The following NLGN1 variants were observed in gnomAD, a reference collection of about 807,000 sequenced individuals.
NLGN1 encodes neuroligin-1.
A neutral mutation model predicts 65.5 loss-of-function variants in NLGN1; 12 were observed. The ratio of observed to expected loss-of-function variants is 0.18; its 90% CI spans 0.12 to 0.30. The LOEUF (loss-of-function observed/expected upper bound fraction) is 0.30, where lower values mean the gene tolerates loss of function less well. Among genes scored for constraint, NLGN1 ranks in the 10% least tolerant of loss-of-function variants. The pLI, the probability that NLGN1 is intolerant of heterozygous loss-of-function variation, is 1.00. For missense variants in NLGN1, 750 were observed against 1,007.1 expected, an observed-to-expected ratio of 0.74 and a Z score of 3.46; for synonymous variants, 350 against 359.5, an observed-to-expected ratio of 0.97 and a Z score of 0.30.
At chr3:173,852,966 G>A (rs1205657344) in intron 4 of NLGN1, among the ~76,000 whole-genome samples, 4 of 152,144 alleles carry the variant, frequency 2.6e-5, no homozygotes, top group African/African-American at 4.8e-5. Flanking sequence ...GGGTTTATTT[G>A]TAGCCTTCAA....
intron 4 of NLGN1, among the ~76,000 whole-genome samples, chr3:173,856,110 C>T (rs1727895856): frequency 1.3e-5 from 2 of 152,026 alleles, no homozygotes; most frequent in African/African-American, 4.8e-5. Flanking sequence ...TTGAGGCATT[C>T]CTTTTGGGGT....
At chr3:173,732,781 C>T (rs1374650292) in intron 3 of NLGN1, among the ~76,000 whole-genome samples, 2 of 152,150 alleles carry the variant, frequency 1.3e-5, no homozygotes, top group South Asian at 2.1e-4. Context: ...CTACAAGCCT[C>T]TTCATTTGAT....
At chr3:173,845,375 T>C (rs1471937033) in intron 4 of NLGN1, among the ~76,000 whole-genome samples, 1 of 152,190 alleles carries the variant, frequency 6.6e-6, no homozygotes, top group Non-Finnish European at 1.5e-5. Flanking sequence ...ATCTACTTTC[T>C]ATTATAGAGC....
chr3:174,014,498 C>T (rs764403412), intron 4 of NLGN1, among the ~76,000 whole-genome samples: 1 of 152,136 alleles, frequency 6.6e-6, no homozygotes, highest in African/African-American at 2.4e-5. Context: ...AAGAATCACC[C>T]ACCCTCAATG....
At chr3:174,167,593 CT>C (rs201802866) in intron 4 of NLGN1, among the ~76,000 whole-genome samples, 21,784 of 140,170 alleles carry the variant, frequency 0.16, 3,219 homozygotes, top group African/African-American at 0.4. Flanking sequence ...GATCTGCCCC[CT>C]TTTTTTTTTT....
intron 4 of NLGN1, among the ~76,000 whole-genome samples, chr3:174,087,004 G>C (rs1178986476): frequency 6.6e-6 from 1 of 151,994 alleles, no homozygotes; most frequent in South Asian, 2.1e-4. Flanking sequence ...ATTATCCTTC[G>C]CAAACTAATA....
At chr3:174,265,926 A>T (rs1445477811) in intron 4 of NLGN1, among the ~76,000 whole-genome samples, 1 of 147,282 alleles carries the variant, frequency 6.8e-6, no homozygotes, top group Non-Finnish European at 1.5e-5. Flanking sequence ...ATATATGTAT[A>T]TATGTGTATA....
chr3:173,429,471 A>G (rs1225554363), intron 1 of NLGN1, among the ~76,000 whole-genome samples: 1 of 152,182 alleles, frequency 6.6e-6, no homozygotes, highest in Non-Finnish European at 1.5e-5. Flanking sequence ...GTAAAAAATC[A>G]CCATATTCTT....
At chr3:173,847,737 T>G (rs992992829) in intron 4 of NLGN1, among the ~76,000 whole-genome samples, 9 of 152,118 alleles carry the variant, frequency 5.9e-5, no homozygotes, top group Non-Finnish European at 1.2e-4. Context: ...CCAGGTGTGG[T>G]GGCATGCGCC....
intron 4 of NLGN1, among the ~76,000 whole-genome samples, chr3:174,231,682 C>T (rs188691896): frequency 5.4e-4 from 82 of 152,226 alleles, no homozygotes; most frequent in Admixed American, 2.2e-3. Flanking sequence ...TGTCCCTGGG[C>T]TCATGATCCC....
intron 2 of NLGN1, among the ~76,000 whole-genome samples, chr3:173,557,004 T>C (rs1479684792): frequency 6.8e-6 from 1 of 147,650 alleles, no homozygotes; most frequent in East Asian, 2.0e-4. Flanking sequence ...TAGGTTGATA[T>C]ATTTATTCAG....
chr3:173,867,409 A>G (rs1217559791), intron 4 of NLGN1, among the ~76,000 whole-genome samples: 1 of 152,148 alleles, frequency 6.6e-6, no homozygotes, highest in Non-Finnish European at 1.5e-5. Flanking sequence ...AGTTACTATA[A>G]CTGGCAATTT....
chr3:173,500,973 A>C (rs1731007561), intron 2 of NLGN1, among the ~76,000 whole-genome samples: 1 of 152,178 alleles, frequency 6.6e-6, no homozygotes, highest in South Asian at 2.1e-4. Flanking sequence ...CACATGGTAG[A>C]CACTAAAAAA....
intron 4 of NLGN1, among the ~76,000 whole-genome samples, chr3:173,982,156 G>A (rs547926616): frequency 1.3e-4 from 20 of 152,148 alleles, no homozygotes; most frequent in Admixed American, 1.1e-3. Flanking sequence ...TAGAACTTAG[G>A]TCTCTAACCA....
chr3:173,561,003 A>G (rs536796812), intron 2 of NLGN1, among the ~76,000 whole-genome samples: 2 of 152,352 alleles, frequency 1.3e-5, no homozygotes, highest in Non-Finnish European at 2.9e-5. Flanking sequence ...ATCAACTATC[A>G]TCATACAGCG....
intron 2 of NLGN1, among the ~76,000 whole-genome samples, chr3:173,589,600 T>C (rs1440492314): frequency 6.6e-6 from 1 of 152,220 alleles, no homozygotes; most frequent in Non-Finnish European, 1.5e-5. Flanking sequence ...AATGTGATTT[T>C]CTTATATTTT....
At chr3:173,675,349 A>G (rs561061573) in intron 3 of NLGN1, among the ~76,000 whole-genome samples, 41 of 152,276 alleles carry the variant, frequency 2.7e-4, no homozygotes, top group African/African-American at 7.9e-4. Flanking sequence ...CATTGCGCAT[A>G]TATCTCTCAA....
intron 4 of NLGN1, among the ~76,000 whole-genome samples, chr3:173,955,449 G>A (rs1711766728): frequency 6.6e-6 from 1 of 152,164 alleles, no homozygotes; most frequent in Non-Finnish European, 1.5e-5. Flanking sequence ...TAGAGTGCTA[G>A]GAAAGTGCTA....
In NLGN1 at chr3:173,859,054, A is replaced by G. The variant is rs1277220357; in HGVS notation, c.646+51222A>G. Among the ~76,000 whole-genome samples the G allele has an allele frequency of 4.6e-5, 7 of 152,042 alleles. 1 individual carries two copies. Among genetic ancestry groups the G allele is most frequent in the Non-Finnish European group, 1.0e-4 (7 of 67,934 alleles). On this transcript the variant is annotated intron_variant, in intron 4 of 6. Transcript: ENST00000457714. ...TATCTGCGTTTAATACCCTACTTCAATATAGTTTAACTTCACTTTTTTTTG... is the reference window on the plus strand; with the variant it reads ...TATCTGCGTTTAATACCCTACTTCAGTATAGTTTAACTTCACTTTTTTTTG...
Sources: gnomAD v4.1 joint callset for allele counts (sites outside exome capture counted in the v4.1 genomes callset) on GRCh38, gnomAD v4.1.1 for gene constraint, MANE v1.5 for transcripts, NCBI Gene and HGNC (gene_info 2026-07-23, HGNC 2026-07-21) for gene names.